BRI3BP: variants seen among roughly 807,000 people sequenced by gnomAD.
BRI3BP encodes the protein BRI3 binding protein, also known as BRI3-binding protein.
BRI3BP carries 7 observed loss-of-function variants against 15.8 expected under a neutral mutation model. That is an observed-to-expected ratio of 0.44 (90% CI 0.25 to 0.83). The LOEUF (loss-of-function observed/expected upper bound fraction) is 0.83. BRI3BP is among the 40% of genes least tolerant of loss of function. BRI3BP has a pLI of 0.20. For missense variants in BRI3BP, 320 were observed against 339.3 expected, an observed-to-expected ratio of 0.94 and a Z score of 0.45; for synonymous variants, 192 against 163.5, an observed-to-expected ratio of 1.17 and a Z score of -1.33.
At chr12:125,035,785 C>T (rs146843919), downstream of BRI3BP, among the ~76,000 whole-genome samples, 1 of 152,060 alleles carries the variant, frequency 6.6e-6, no homozygotes, top group Non-Finnish European at 1.5e-5. Context: ...CTGAAGCTAG[C>T]CATCTTTCAT....
At chr12:125,007,283 A>C (rs144354272) in intron 1 of BRI3BP, among the ~76,000 whole-genome samples, 176 of 152,008 alleles carry the variant, frequency 1.2e-3, no homozygotes, top group Non-Finnish European at 1.9e-3. Context: ...AGCACGGTGG[A>C]TCACACCTGT....
the BRI3BP span, among the ~76,000 whole-genome samples, chr12:125,039,096 T>TA: frequency 6.6e-6 from 1 of 151,864 alleles, no homozygotes; most frequent in Non-Finnish European, 1.5e-5. Context: ...TCTCAAAAAA[T>TA]AAAAAAACCC....
At chr12:125,035,203 T>A (rs1352571502), downstream of BRI3BP, among the ~76,000 whole-genome samples, 1 of 152,152 alleles carries the variant, frequency 6.6e-6, no homozygotes, top group East Asian at 1.9e-4. Context: ...AGGTAAATAC[T>A]TAGGACCAGA....
chr12:124,998,074 A>G (rs1159613320), intron 1 of BRI3BP, among the ~76,000 whole-genome samples: 1 of 150,830 alleles, frequency 6.6e-6, no homozygotes, highest in Non-Finnish European at 1.5e-5. Flanking sequence ...CAGTGAGCCA[A>G]GATTGCACCG....
chr12:125,042,181 C>T, the BRI3BP span, among the ~76,000 whole-genome samples: 4 of 152,076 alleles, frequency 2.6e-5, no homozygotes, highest in East Asian at 3.9e-4. Flanking sequence ...TTCAGGGATA[C>T]GTGTGCAGGT....
At chr12:125,005,522 A>G (rs1334354718) in intron 1 of BRI3BP, among the ~76,000 whole-genome samples, 1 of 152,020 alleles carries the variant, frequency 6.6e-6, no homozygotes, top group Non-Finnish European at 1.5e-5. Context: ...TAATCCCAGC[A>G]CTTTGGGAGG....
Position 125,028,612 on chromosome 12 carries a change from A to T in BRI3BP, c.*3182A>T, listed in dbSNP as rs1317395592. On this transcript the variant is annotated 3_prime_UTR_variant, in exon 3 of 3. Coordinates refer to ENST00000341446, the MANE Select transcript of BRI3BP (RefSeq NM_080626.6). ...AAAGAACCTACAGTTAGTAGGTGTC[A>T]CCTCAGGGTAGAAATTCTGATAGAA... 1 of 152,166 alleles carries T rather than the reference A, an allele frequency of 6.6e-6. No individual in the cohort carries two copies. Among genetic ancestry groups the T allele is most frequent in the Non-Finnish European group, 1.5e-5 (1 of 68,028 alleles). 9.4% of individuals were successfully genotyped at this position (152,166 alleles called of 1,614,324 possible). A position where few individuals can be genotyped will look rare whatever the true frequency, so the allele number is the denominator to read the frequency against.
At chr12:125,004,492 T>C (rs1410228640) in intron 1 of BRI3BP, among the ~76,000 whole-genome samples, 1 of 152,172 alleles carries the variant, frequency 6.6e-6, no homozygotes, top group Admixed American at 6.5e-5. Flanking sequence ...TAAAAAAAAA[T>C]TAACTTTATT....
chr12:125,045,865 A>C, the BRI3BP span, among the ~76,000 whole-genome samples: 2 of 152,180 alleles, frequency 1.3e-5, no homozygotes, highest in Non-Finnish European at 2.9e-5. Flanking sequence ...TAATACCATC[A>C]TTAAAAAGAG....
the BRI3BP span, among the ~76,000 whole-genome samples, chr12:125,046,385 C>G: frequency 6.6e-6 from 1 of 151,954 alleles, no homozygotes; most frequent in Non-Finnish European, 1.5e-5. Context: ...GAAACCCTGT[C>G]TCTATTCAAA....
intron 1 of BRI3BP, among the ~76,000 whole-genome samples, chr12:125,006,093 G>A (rs1257262217): frequency 1.3e-5 from 2 of 152,116 alleles, no homozygotes; most frequent in East Asian, 1.9e-4. Context: ...GACACCAGTC[G>A]CATCGGATTA....
chr12:125,019,514 C>T (rs1955275124), intron 2 of BRI3BP, among the ~76,000 whole-genome samples: 1 of 152,006 alleles, frequency 6.6e-6, no homozygotes, highest in Non-Finnish European at 1.5e-5. Context: ...CGTAACATGT[C>T]TCTGAGGTCA....
At chr12:125,031,522 C>T (rs10846811), downstream of BRI3BP, among the ~76,000 whole-genome samples, 1 of 151,506 alleles carries the variant, frequency 6.6e-6, no homozygotes, top group African/African-American at 2.4e-5. Flanking sequence ...CTCTCCACCC[C>T]ACCCCGCATA....
intron 1 of BRI3BP, among the ~76,000 whole-genome samples, chr12:124,994,369 T>C (rs1420021558): frequency 1.3e-5 from 2 of 152,194 alleles, no homozygotes; most frequent in Non-Finnish European, 2.9e-5. Flanking sequence ...ACTGGCGCTC[T>C]CGGTCCCCAC....
intron 1 of BRI3BP, 127 bp from the exon 2 acceptor site, chr12:125,012,407 G>T: frequency 2.7e-6 from 2 of 738,428 alleles, no homozygotes; most frequent in Non-Finnish European, 4.9e-6. Flanking sequence ...TAGTCCACAT[G>T]TGTGGTATTC....
At chr12:125,014,041 G>A (rs554662533) in intron 2 of BRI3BP, among the ~76,000 whole-genome samples, 1 of 152,264 alleles carries the variant, frequency 6.6e-6, no homozygotes, top group Admixed American at 6.5e-5. Flanking sequence ...AGTGCCCAGG[G>A]TGTACAGCTT....
chr12:124,997,214 C>CTTTTTTTTTTT (rs1229802280), intron 1 of BRI3BP, among the ~76,000 whole-genome samples: 3,120 of 51,444 alleles, frequency 0.061, 972 homozygotes, highest in African/African-American at 0.21. Context: ...CTTTACTTCT[C>CTTTTTTTTTTT]TTTTTTTTTT....
At chr12:125,012,693 G>A (rs1250640147) in intron 2 of BRI3BP, 57 bp downstream of exon 2, 1 of 1,333,816 alleles carries the variant, frequency 7.5e-7, no homozygotes, top group African/African-American at 1.4e-5. Flanking sequence ...GGTTCTCATA[G>A]TGTGGAACTG....
intron 1 of BRI3BP, among the ~76,000 whole-genome samples, chr12:124,996,439 G>A (rs1317897714): frequency 6.6e-6 from 1 of 152,002 alleles, no homozygotes; most frequent in Non-Finnish European, 1.5e-5. Flanking sequence ...GAGTAGCCGG[G>A]ATTACAAGTG....
Sources: gnomAD v4.1 joint callset for allele counts (sites outside exome capture counted in the v4.1 genomes callset) on GRCh38, gnomAD v4.1.1 for gene constraint, MANE v1.5 for transcripts, NCBI Gene and HGNC (gene_info 2026-07-23, HGNC 2026-07-21) for gene names.